PATL2: variants seen among roughly 807,000 people sequenced by gnomAD.
PATL2 encodes PAT1 homolog 2.
Under a neutral mutation model 77.0 loss-of-function variants are expected in PATL2, and 73 were observed. The observed-to-expected ratio is 0.95, with a 90% CI of 0.78 to 1.15. The LOEUF (loss-of-function observed/expected upper bound fraction) is 1.15, where lower values mean the gene tolerates loss of function less well. Ranked by LOEUF, PATL2 falls within the 50% of genes most tolerant of loss-of-function variation. The probability of loss-of-function intolerance (pLI) is 0.00; values close to 1 mark genes in which losing one functional copy is unlikely to be tolerated. For synonymous variants in PATL2, 265 were observed against 257.1 expected (o/e 1.03, Z -0.29); for missense variants, 618 against 655.4 (o/e 0.94, Z 0.62).
chr15:44,687,483 T>C (rs922981158), intron 3 of PATL2, among the ~76,000 whole-genome samples: 24 of 152,170 alleles, frequency 1.6e-4, no homozygotes, highest in Non-Finnish European at 8.8e-5. Flanking sequence ...AGCATTCCCT[T>C]TGAAAACCAG....
intron 3 of PATL2, among the ~76,000 whole-genome samples, chr15:44,682,859 G>A (rs2086164230): frequency 6.6e-6 from 1 of 152,212 alleles, no homozygotes; most frequent in East Asian, 1.9e-4. Flanking sequence ...AACACAGAAA[G>A]TGGGTGATTT....
At chr15:44,695,303 C>T (rs1443024772) in intron 3 of PATL2, among the ~76,000 whole-genome samples, 1 of 152,068 alleles carries the variant, frequency 6.6e-6, no homozygotes, top group Non-Finnish European at 1.5e-5. Flanking sequence ...AATTATTTTC[C>T]TTTCTAACAA....
At position 44,671,658 on chromosome 15, in the gene PATL2, T is replaced by C. The variant is rs564588184; in HGVS notation, c.657+357A>G. Among the ~76,000 whole-genome samples, 24 of 152,312 alleles carry C rather than the reference T, an allele frequency of 1.6e-4. No individual in the cohort carries two copies. In the South Asian group the frequency reaches 5.0e-3, roughly 32 times the overall value. On this transcript the variant is annotated intron_variant, in intron 9 of 17. Coordinates refer to ENST00000682850, the MANE Select transcript of PATL2 (RefSeq NM_001387263.1). ...AATCCCACTATTTATAACATCCCTGTGCTTTAGATCTAAAAAGTCAAAGTA... is the reference window on the plus strand; with the variant it reads ...AATCCCACTATTTATAACATCCCTGCGCTTTAGATCTAAAAAGTCAAAGTA...
rs562812709 is a variant in PATL2 at position 44,675,582 on chromosome 15, G to C, written c.126C>G (p.Asp42Glu). The C allele has an allele frequency of 1.3e-6, 2 of 1,551,486 alleles. No individual in the cohort carries two copies. Among genetic ancestry groups the C allele is most frequent in the Non-Finnish European group, 1.7e-6 (2 of 1,146,746 alleles). The change falls in exon 5 of 18, where the codon GAC (aspartate) becomes GAG (glutamate). Residue 42 changes from aspartate to glutamate, a missense_variant. By Grantham distance (45) the Asp-to-Glu change is conservative. Coordinates refer to ENST00000682850, the MANE Select transcript of PATL2 (RefSeq NM_001387263.1). ...CCAGATCTGGGTCCAGATCCTCCTCGTCCTCCTCCTCTTCCTCCTCCTCCC... is the reference window on the plus strand; with the variant it reads ...CCAGATCTGGGTCCAGATCCTCCTCCTCCTCCTCCTCTTCCTCCTCCTCCC... ...NEGEEEEEEE[D>E]EEDLDPDLDP... is the part of the protein sequence containing the mutation.
At chr15:44,668,931 C>A (rs1278562179) in intron 14 of PATL2, 49 bp downstream of exon 14, 1 of 1,481,470 alleles carries the variant, frequency 6.8e-7, no homozygotes, top group Admixed American at 2.3e-5. Flanking sequence ...AGGAATGACC[C>A]CTAACCTATT....
intron 3 of PATL2, among the ~76,000 whole-genome samples, chr15:44,687,941 A>G (rs2086298446): frequency 2.0e-5 from 3 of 152,190 alleles, no homozygotes; most frequent in African/African-American, 7.2e-5. Flanking sequence ...GCTCATGGAT[A>G]GGAAGAATCA....
chr15:44,665,783 G>T lies in PATL2; in HGVS notation c.*170C>A. On this transcript the variant is annotated 3_prime_UTR_variant, in exon 18 of 18. Transcript: ENST00000682850. Reference sequence around the variant, plus strand: ...CTTATTATGCCATGTCTTATTTTTAGGCACATCATTTAGATTTTTGAAGAA... The same window carrying T: ...CTTATTATGCCATGTCTTATTTTTATGCACATCATTTAGATTTTTGAAGAA... 1 of 1,498,204 alleles carries T rather than the reference G, an allele frequency of 6.7e-7. No individual in the cohort carries two copies. The highest frequency in any genetic ancestry group is 8.9e-7 in the Non-Finnish European group (1 of 1,121,926). The allele number at this position is 1,498,204 out of a possible 1,614,324, so 92.8% of individuals were successfully genotyped here.
intron 3 of PATL2, among the ~76,000 whole-genome samples, chr15:44,686,188 C>T (rs930615432): frequency 7.9e-5 from 12 of 152,084 alleles, no homozygotes; most frequent in African/African-American, 1.2e-4. Flanking sequence ...TGCAAAAGAA[C>T]GGAAATCATA....
At chr15:44,671,887 G>T in intron 9 of PATL2, 128 bp downstream of exon 9, 1 of 1,177,940 alleles carries the variant, frequency 8.5e-7, no homozygotes, top group Non-Finnish European at 1.2e-6. Context: ...CCCCCATCCT[G>T]TAGTGATTCT....
intron 3 of PATL2, among the ~76,000 whole-genome samples, chr15:44,695,598 C>T (rs145615002): frequency 3.3e-5 from 5 of 152,228 alleles, no homozygotes; most frequent in African/African-American, 4.8e-5. Flanking sequence ...TCCAGGGCAC[C>T]GGCTGCCGGC....
At chr15:44,690,847 T>G (rs1445381554) in intron 3 of PATL2, among the ~76,000 whole-genome samples, 3 of 152,156 alleles carry the variant, frequency 2.0e-5, no homozygotes, top group African/African-American at 7.2e-5. Flanking sequence ...ATAATGCTGT[T>G]GACAGATAAC....
Position 44,710,020 on chromosome 15 carries a change from T to C in PATL2, c.-76+76A>G, listed in dbSNP as rs562988567. ...AACAATTATTCTCATATTTTAGTTATTGAGAGGGCTGGTAGAAAAACTAGG... is the reference window on the plus strand; with the variant it reads ...AACAATTATTCTCATATTTTAGTTACTGAGAGGGCTGGTAGAAAAACTAGG... On this transcript the variant is annotated intron_variant, in intron 3 of 17. Transcript: ENST00000682850. Among the ~76,000 whole-genome samples the C allele has an allele frequency of 3.9e-5, 6 of 152,346 alleles. No homozygotes were observed. In the South Asian group the frequency reaches 1.0e-3, roughly 26 times the overall value.
chr15:44,678,023 T>C (rs905482444), intron 3 of PATL2, among the ~76,000 whole-genome samples: 2 of 151,572 alleles, frequency 1.3e-5, no homozygotes, highest in African/African-American at 4.8e-5. Context: ...TATATATATA[T>C]TTTTTTTCAG....
intron 3 of PATL2, among the ~76,000 whole-genome samples, chr15:44,693,337 C>G (rs898264829): frequency 1.3e-5 from 2 of 152,194 alleles, no homozygotes; most frequent in African/African-American, 2.4e-5. Flanking sequence ...TCTGGAGACT[C>G]TATGGGAGAA....
rs867120188 is a variant in PATL2, at chr15:44,669,513, C to T, written c.927G>A (p.Glu309=). Residue 309 remains glutamate (E), a synonymous_variant, in exon 12 of 18, where the codon GAG becomes GAA. Transcript: ENST00000682850. ...SQRLRVLYRI[E]KMFLQLLEIE... The stretch of plus-strand genomic sequence containing the variant: ...CCCTAAGGAACTGATATCTCACCTT[C>T]TCAATCCGGTATAATACCCGAAGCC... 2 of 1,551,324 alleles carry T rather than the reference C, an allele frequency of 1.3e-6. No individual in the cohort carries two copies. The highest frequency in any genetic ancestry group is 3.3e-4 in the Middle Eastern group (2 of 5,992).
In PATL2 at chr15:44,682,940, G is replaced by A. The variant is rs890763283; in HGVS notation, c.-75-6375C>T. ...TAGACAGTGGGTGCAGCCCACGGAG[G>A]GTGAGCCAAAGCAGGGTGGGGCATT... On this transcript the variant is annotated intron_variant, in intron 3 of 17. Transcript: ENST00000682850. 5.3e-5 allele frequency among the ~76,000 whole-genome samples: 8 copies of A among 152,314 alleles called. No individual in the cohort carries two copies. The South Asian group carries it at 6.2e-4, about 12-fold the overall frequency.
intron 6 of PATL2, 117 bp downstream of exon 6, chr15:44,674,026 ACTCCCAC>A: frequency 1.1e-6 from 1 of 879,990 alleles, no homozygotes; most frequent in African/African-American, 1.7e-5. Context: ...TGATGGGGCA[ACTCCCAC>A]CTCCCACACC....
intron 4 of PATL2, chr15:44,676,030 A>T (rs893099837): frequency 3.4e-5 from 11 of 327,602 alleles, no homozygotes; most frequent in Non-Finnish European, 5.6e-5. Flanking sequence ...TAAAAAATTT[A>T]AAAAGCAAAC....
intron 3 of PATL2, among the ~76,000 whole-genome samples, chr15:44,686,135 T>A (rs1042256923): frequency 7.2e-5 from 11 of 152,176 alleles, no homozygotes; most frequent in African/African-American, 2.7e-4. Context: ...GCACTTGTTC[T>A]AAAATTGACC....
Sources: gnomAD v4.1 joint callset for allele counts (sites outside exome capture counted in the v4.1 genomes callset) on GRCh38, gnomAD v4.1.1 for gene constraint, MANE v1.5 for transcripts, NCBI Gene and HGNC (gene_info 2026-07-23, HGNC 2026-07-21) for gene names.